The following IQGAP1 variants were observed in gnomAD, a reference collection of about 807,000 sequenced individuals.
The protein encoded by IQGAP1 is ras GTPase-activating-like protein IQGAP1.
In IQGAP1, 66 loss-of-function variants were observed where a neutral mutation model predicts 215.6. The observed-to-expected ratio is 0.31, with a 90% CI of 0.25 to 0.38. The LOEUF (loss-of-function observed/expected upper bound fraction) is 0.38. Ranked by LOEUF, IQGAP1 falls within the 10% of genes least tolerant of loss-of-function variation. IQGAP1 has a pLI of 1.00. For missense variants in IQGAP1, 1,712 were observed against 1,997.1 expected (o/e 0.86, Z 2.72); for synonymous variants, 772 against 728.7 (o/e 1.06, Z -0.96).
chr15:90,473,847 C>T (rs766809368), intron 20 of IQGAP1, 49 bp downstream of exon 20: 34 of 1,608,450 alleles, frequency 2.1e-5, no homozygotes, highest in Middle Eastern at 1.6e-4. Context: ...AGGTATAACA[C>T]GTGTTGAGAT....
intron 15 of IQGAP1, among the ~76,000 whole-genome samples, chr15:90,463,247 GGAA>G (rs1394763428): frequency 5.3e-5 from 8 of 152,124 alleles, no homozygotes; most frequent in Non-Finnish European, 1.5e-5. Flanking sequence ...CATGGGGCAG[GGAA>G]GAAAGAATTC....
chr15:90,467,099 A>AT (rs1965843349), intron 17 of IQGAP1, among the ~76,000 whole-genome samples: 1 of 152,178 alleles, frequency 6.6e-6, no homozygotes, highest in African/African-American at 2.4e-5. Flanking sequence ...CTGAAAAAAA[A>AT]AATAATAATA....
At position 90,492,548 on chromosome 15, in the gene IQGAP1, A is replaced by G. The variant is rs747125647; in HGVS notation, c.4465A>G (p.Ile1489Val). Residue 1489 changes from isoleucine to valine, a missense_variant, in exon 35 of 38, where the codon ATT (isoleucine) becomes GTT (valine). Physicochemically the swap from Ile to Val is conservative, Grantham distance 29 (BLOSUM62 3). This residue lies in a region of IQGAP1 where 691 missense variants were observed against 923.0 expected (regional missense o/e 0.75). Transcript: ENST00000268182. ...AACTTTAATAATTATGTCTCAGGAT[A>G]TTCGGAATCAGCGGAGGTACCGACA... The part of the protein sequence containing the change: ...QELINDIARD[I>V]RNQRRYRQRR... The G allele has an allele frequency of 6.3e-7, 1 of 1,596,532 alleles. No individual in the cohort carries two copies. The highest frequency in any genetic ancestry group is 8.5e-7 in the Non-Finnish European group (1 of 1,174,882).
intron 15 of IQGAP1, among the ~76,000 whole-genome samples, chr15:90,457,522 G>C (rs1261343240): frequency 6.6e-6 from 1 of 151,246 alleles, no homozygotes; most frequent in East Asian, 1.9e-4. Flanking sequence ...TGCCTCCCAG[G>C]TTCAAGCAAT....
chr15:90,465,646 G>A (rs902462718), intron 15 of IQGAP1, among the ~76,000 whole-genome samples: 1 of 151,474 alleles, frequency 6.6e-6, no homozygotes, highest in African/African-American at 2.4e-5. Context: ...GACTATAGGC[G>A]TGCACCACCA....
In IQGAP1 at chr15:90,473,759, G is replaced by A. The variant is rs761017262; in HGVS notation, c.2394G>A (p.Arg798=). ...AGCAGAAGAAGGCATATCAAGATCG[G>A]TTAGCTTACCTGCGCTCCCACAAAG... ...GYKQKKAYQD[R]LAYLRSHKDE... is the part of the protein sequence containing the mutation. Residue 798 remains arginine, a synonymous_variant, in exon 20 of 38, where the codon CGG becomes CGA. Transcript: ENST00000268182. The A allele has an allele frequency of 3.1e-6, 5 of 1,612,302 alleles. No homozygotes were observed. The highest frequency in any genetic ancestry group is 4.5e-5 in the East Asian group (2 of 44,780).
intron 15 of IQGAP1, among the ~76,000 whole-genome samples, chr15:90,462,514 G>T (rs984635567): frequency 6.6e-6 from 1 of 152,074 alleles, no homozygotes; most frequent in East Asian, 1.9e-4. Context: ...GTGTGTATGT[G>T]GTATATATGT....
intron 37 of IQGAP1, among the ~76,000 whole-genome samples, chr15:90,498,006 G>A (rs142490393): frequency 0.017 from 2,643 of 152,036 alleles, 45 homozygotes; most frequent in South Asian, 0.024. Flanking sequence ...GTGCCTTCCT[G>A]TCAATGTACA....
Position 90,444,279 on chromosome 15 carries a change from G to GTGTGTA in IQGAP1, c.913+802_913+803insGTGTAT, listed in dbSNP as rs773341335. On this transcript the variant is annotated intron_variant, in intron 9 of 37. Coordinates refer to ENST00000268182, the MANE Select transcript of IQGAP1 (RefSeq NM_003870.4). ...TGTGTGTGTGTGTGTGTGTGTGTGT[G>GTGTGTA]TATATATATATTTTTTTTTTTCTTT... is the stretch of plus-strand genomic sequence containing the variant. Among the ~76,000 whole-genome samples the GTGTGTA allele has an allele frequency of 6.6e-3, 481 of 72,980 alleles. 4 individuals are homozygous for GTGTGTA. The highest frequency in any genetic ancestry group is 0.033 in the African/African-American group (458 of 13,932). The allele number at this position is 72,980 out of a possible 152,430, so 47.9% of individuals were successfully genotyped here. A position where few individuals can be genotyped will look rare whatever the true frequency, so the allele number is the denominator to read the frequency against.
At chr15:90,405,476 G>A (rs903664632) in intron 2 of IQGAP1, among the ~76,000 whole-genome samples, 1 of 152,214 alleles carries the variant, frequency 6.6e-6, no homozygotes, top group Non-Finnish European at 1.5e-5. Flanking sequence ...TATTCTTTGT[G>A]TAAAGGAGAG....
chr15:90,419,911 G>A (rs1343024612), intron 2 of IQGAP1, among the ~76,000 whole-genome samples: 1 of 152,188 alleles, frequency 6.6e-6, no homozygotes, highest in Admixed American at 6.5e-5. Context: ...AGACGTGAGG[G>A]GGCAGAGATG....
At chr15:90,443,581 A>G in intron 9 of IQGAP1, 103 bp downstream of exon 9, 2 of 653,880 alleles carry the variant, frequency 3.1e-6, no homozygotes, top group Non-Finnish European at 5.3e-6. Flanking sequence ...CTTACTTTAG[A>G]CATTCGTGGA....
At chr15:90,416,578 CTTTT>C (rs59801805) in intron 2 of IQGAP1, among the ~76,000 whole-genome samples, 2 of 139,282 alleles carry the variant, frequency 1.4e-5, no homozygotes, top group African/African-American at 2.7e-5. Flanking sequence ...TGTTTCCTGA[CTTTT>C]TTTTTTTTTT....
At chr15:90,408,131 A>G (rs1197962395) in intron 2 of IQGAP1, among the ~76,000 whole-genome samples, 1 of 152,166 alleles carries the variant, frequency 6.6e-6, no homozygotes, top group East Asian at 1.9e-4. Context: ...GTGCTCCTTT[A>G]GAGTTGAAGC....
At position 90,477,736 on chromosome 15, in the gene IQGAP1, A is replaced by G. The variant is rs1156788552; in HGVS notation, c.3176A>G (p.Asn1059Ser). ...GTTATTAAAATGGTTGTAAGTTTCA[A>G]CCGTGGTGCCCGTGGCCAGAATGCC... Reference protein sequence around the residue: ...PTVIKMVVSFNRGARGQNALR... With the variant: ...PTVIKMVVSFSRGARGQNALR... Residue 1059 changes from asparagine to serine, a missense_variant, in exon 26 of 38, where the codon AAC becomes AGC. Physicochemically the swap from Asn to Ser is conservative, Grantham distance 46. This residue lies in a region of IQGAP1 where 691 missense variants were observed against 923.0 expected (regional missense o/e 0.75). Coordinates refer to ENST00000268182, the MANE Select transcript of IQGAP1 (RefSeq NM_003870.4). 3.7e-6 allele frequency: 6 copies of G among 1,614,084 alleles called. No homozygotes were observed. Among genetic ancestry groups the G allele is most frequent in the South Asian group, 2.2e-5 (2 of 91,070 alleles).
intron 33 of IQGAP1, among the ~76,000 whole-genome samples, chr15:90,488,261 T>TAAATAAATAAATAAAA (rs1169245875): frequency 2.0e-5 from 3 of 151,404 alleles, no homozygotes; most frequent in African/African-American, 7.3e-5. Flanking sequence ...AATAAATAAA[T>TAAATAAATAAATAAAA]AAAATGTTGT....
Position 90,445,837 on chromosome 15 carries a change from T to C in IQGAP1, c.913+2359T>C, listed in dbSNP as rs543203820. ...AGTTTTAAGTCCTGACCAGCATTCT[T>C]TTTTTTTGGGTTTTTTTTTTTTTTG... On this transcript the variant is annotated intron_variant, in intron 9 of 37. Coordinates refer to ENST00000268182, the MANE Select transcript of IQGAP1 (RefSeq NM_003870.4). Among the ~76,000 whole-genome samples, 65 of 130,950 alleles carry C rather than the reference T, an allele frequency of 5.0e-4. 2 individuals carry two copies. Among genetic ancestry groups the C allele is most frequent in the African/African-American group, 2.0e-3 (63 of 30,952 alleles). 85.9% of individuals were successfully genotyped at this position (130,950 alleles called of 152,430 possible). A position where few individuals can be genotyped will look rare whatever the true frequency, so the allele number is the denominator to read the frequency against.
In IQGAP1 at chr15:90,448,613, AG is replaced by A; in HGVS notation, c.956del (p.Gly319GlufsTer29). On this transcript the variant is annotated frameshift_variant, in exon 10 of 38. Coordinates refer to ENST00000268182, the MANE Select transcript of IQGAP1 (RefSeq NM_003870.4). LOFTEE classifies it high-confidence loss of function. ...CAAATATCGACCTGGCTTTAGAACA[AG>A]GAGATGCACTGGCCTTGTTCAGGGC... ...LANIDLALEQ[G>X]DALALFRALQ... 6.2e-7 allele frequency: 1 copy of A among 1,602,332 alleles called. No individual in the cohort carries two copies. Among genetic ancestry groups the A allele is most frequent in the Non-Finnish European group, 8.5e-7 (1 of 1,175,020 alleles).
At chr15:90,456,398 G>C in intron 15 of IQGAP1, 83 bp downstream of exon 15, 1 of 1,372,052 alleles carries the variant, frequency 7.3e-7, no homozygotes, top group Non-Finnish European at 1.0e-6. Context: ...TATCTTCCTT[G>C]ATTCATTCAG....
Sources: gnomAD v4.1 joint callset for allele counts (sites outside exome capture counted in the v4.1 genomes callset) on GRCh38, gnomAD v4.1.1 for gene constraint, gnomAD v4.1.1 regional missense constraint, MANE v1.5 for transcripts, NCBI Gene and HGNC (gene_info 2026-07-23, HGNC 2026-07-21) for gene names.